The following SLAMF1 variants were observed in gnomAD, a reference collection of about 807,000 sequenced individuals.
SLAMF1 encodes signaling lymphocytic activation molecule.
In SLAMF1, 18 loss-of-function variants were observed where a neutral mutation model predicts 35.1. The observed-to-expected ratio is 0.51, with a 90% CI of 0.35 to 0.76. SLAMF1 has a LOEUF of 0.76. SLAMF1 is among the 30% of genes least tolerant of loss of function. The probability of loss-of-function intolerance (pLI) is 0.01; values close to 1 mark genes in which losing one functional copy is unlikely to be tolerated. For missense variants in SLAMF1, 392 were observed against 413.0 expected (o/e 0.95, Z 0.44); for synonymous variants, 168 against 157.2 (o/e 1.07, Z -0.51).
intron 5 of SLAMF1, 136 bp downstream of exon 5, chr1:160,619,640 T>C: frequency 5.7e-6 from 4 of 698,650 alleles, no homozygotes; most frequent in Non-Finnish European, 1.0e-5. Flanking sequence ...TTAGGAGAAC[T>C]CTTGTTCTTG....
intron 3 of SLAMF1, 196 bp downstream of exon 3, chr1:160,634,417 A>T: frequency 3.0e-6 from 3 of 984,412 alleles, no homozygotes; most frequent in Non-Finnish European, 3.6e-6. Context: ...TCAACTGTGA[A>T]CTGAGCATAA....
chr1:160,642,109 A>G lies in SLAMF1; in HGVS notation c.77-4580T>C, dbSNP rs189199860. On this transcript the variant is annotated intron_variant, in intron 1 of 6. Transcript: ENST00000302035. The surrounding 1 kb of genome is among the most constrained non-coding windows in gnomAD (Gnocchi z 4.2). Reference sequence around the variant, plus strand: ...TGCTACAGTATTCTTTCAGGTACAGAAGGAACAGAACTTACAGACCCCACA... The same window carrying G: ...TGCTACAGTATTCTTTCAGGTACAGGAGGAACAGAACTTACAGACCCCACA... Among the ~76,000 whole-genome samples, 289 of 152,310 alleles carry G rather than the reference A, an allele frequency of 1.9e-3. No individual in the cohort carries two copies. Among genetic ancestry groups the G allele is most frequent in the African/African-American group, 6.6e-3 (273 of 41,564 alleles).
rs951433345 is a variant in SLAMF1, at chr1:160,634,626, C to T, written c.687G>A (p.Arg229=). 1.2e-6 allele frequency: 2 copies of T among 1,607,108 alleles called. No homozygotes were observed. The highest frequency in any genetic ancestry group is 1.7e-6 in the Non-Finnish European group (2 of 1,176,128). The change falls in exon 3 of 7, where the codon AGG becomes AGA. Residue 229 remains arginine (R), a synonymous_variant. Transcript: ENST00000302035. ...CAGTGTACTCACCTGAGGGGTCTGT[C>T]CTGCATCCGGGCCACGGGCTGAAGG... ...SQTFSPWPGC[R]TDPSETKPWA...
chr1:160,638,696 C>T lies in SLAMF1; in HGVS notation c.77-1167G>A, dbSNP rs117686409. On this transcript the variant is annotated intron_variant, in intron 1 of 6. Transcript: ENST00000302035. ...AACAGGTGTTCTTCCCCACTGCTCG[C>T]TGGAACCACCTTTGTCAAGGTCACT... Among the ~76,000 whole-genome samples the T allele has an allele frequency of 5.3e-5, 8 of 152,314 alleles. No homozygotes were observed. In the East Asian group the frequency reaches 1.5e-3, roughly 29 times the overall value.
rs976843481 is a variant in SLAMF1, at chr1:160,609,997, A to C, written c.*751T>G. 7 of 205,174 alleles carry C rather than the reference A, an allele frequency of 3.4e-5. No individual in the cohort carries two copies. Among genetic ancestry groups the C allele is most frequent in the African/African-American group, 1.7e-4 (7 of 42,040 alleles). The allele number at this position is 205,174 out of a possible 1,614,324, so 12.7% of individuals were successfully genotyped here. On this transcript the variant is annotated 3_prime_UTR_variant, in exon 7 of 7. Coordinates refer to ENST00000302035, the MANE Select transcript of SLAMF1 (RefSeq NM_003037.5). ...CAAGCTCCTTTGTAACAGCACCATC[A>C]AACATTTGCTACGTTTTTCTTTAAA...
chr1:160,632,594 C>T (rs182292240), intron 3 of SLAMF1, among the ~76,000 whole-genome samples: 12 of 152,180 alleles, frequency 7.9e-5, no homozygotes, highest in Admixed American at 2.6e-4. Context: ...TAATTAAATT[C>T]TTTTTAAACT....
chr1:160,612,950 C>T (rs1021521097), intron 5 of SLAMF1, among the ~76,000 whole-genome samples: 3 of 152,166 alleles, frequency 2.0e-5, no homozygotes, highest in Non-Finnish European at 4.4e-5. Context: ...CTCATATCAC[C>T]GGCTACATGC....
chr1:160,639,288 C>T (rs923327255), intron 1 of SLAMF1, among the ~76,000 whole-genome samples: 2 of 152,002 alleles, frequency 1.3e-5, no homozygotes, highest in Non-Finnish European at 2.9e-5. Flanking sequence ...TGCAATGTTG[C>T]GATCTCGGCT....
intron 6 of SLAMF1, 93 bp from the exon 7 acceptor site, chr1:160,610,891 G>T (rs868056928): frequency 2.0e-6 from 2 of 993,408 alleles, no homozygotes; most frequent in Non-Finnish European, 3.2e-6. Flanking sequence ...AAAGGAAAGG[G>T]TCTTAGAGAT....
Position 160,610,569 on chromosome 1 carries a change from C to T in SLAMF1, c.*179G>A. 1 of 614,590 alleles carries T rather than the reference C, an allele frequency of 1.6e-6. No homozygotes were observed. The highest frequency in any genetic ancestry group is 1.9e-5 in the South Asian group (1 of 52,274). The allele number at this position is 614,590 out of a possible 1,614,324, so 38.1% of individuals were successfully genotyped here. A position where few individuals can be genotyped will look rare whatever the true frequency, so the allele number is the denominator to read the frequency against. ...ACAGCAAGCTAAATTCTTGGGAAGC[C>T]TCACTTCCTTGTTCATTTCACAGAT... On this transcript the variant is annotated 3_prime_UTR_variant, in exon 7 of 7. Transcript: ENST00000302035.
chr1:160,612,253 T>C (rs555729764), intron 6 of SLAMF1, among the ~76,000 whole-genome samples: 2,978 of 151,978 alleles, frequency 0.02, 100 homozygotes, highest in African/African-American at 0.069. Context: ...TAATTTTTTT[T>C]TTTTTACTTT....
chr1:160,622,143 C>T (rs1659645912), intron 4 of SLAMF1, among the ~76,000 whole-genome samples: 1 of 152,138 alleles, frequency 6.6e-6, no homozygotes, highest in South Asian at 2.1e-4. Flanking sequence ...ATTGTTGCTG[C>T]TTAAAAGGAC....
intron 4 of SLAMF1, chr1:160,623,648 G>T: frequency 2.5e-6 from 1 of 399,002 alleles, no homozygotes. Context: ...GAGGACAGGG[G>T]ATGGTACCTC....
chr1:160,634,597 C>T lies in SLAMF1; in HGVS notation c.700+16G>A, dbSNP rs1660330349. ...GCTCATTAAGGTGGCACACAGGCTG[C>T]CACCAGTGTACTCACCTGAGGGGTC... On this transcript the variant is annotated intron_variant, in intron 3 of 6. Coordinates refer to ENST00000302035, the MANE Select transcript of SLAMF1 (RefSeq NM_003037.5). 2 of 1,575,014 alleles carry T rather than the reference C, an allele frequency of 1.3e-6. No individual in the cohort carries two copies. The highest frequency in any genetic ancestry group is 1.7e-6 in the Non-Finnish European group (2 of 1,156,646).
chr1:160,624,611 A>T (rs951198853), intron 3 of SLAMF1, among the ~76,000 whole-genome samples: 1 of 152,222 alleles, frequency 6.6e-6, no homozygotes, highest in Non-Finnish European at 1.5e-5. Context: ...TTCTCATGAG[A>T]CACTGGGAGG....
Position 160,636,064 on chromosome 1 carries a change from A to G in SLAMF1, c.415+1127T>C, listed in dbSNP as rs189752033. Reference sequence around the variant, plus strand: ...CTTCCTTTGGCTTGAGAAAAATGCCATGGTTGCAGAGACCACATTTTCCAA... The same window carrying G: ...CTTCCTTTGGCTTGAGAAAAATGCCGTGGTTGCAGAGACCACATTTTCCAA... On this transcript the variant is annotated intron_variant, in intron 2 of 6. Transcript: ENST00000302035. Among the ~76,000 whole-genome samples, 15 of 152,366 alleles carry G rather than the reference A, an allele frequency of 9.8e-5. No individual in the cohort carries two copies. In the East Asian group the frequency reaches 2.9e-3, roughly 29 times the overall value.
At chr1:160,625,843 G>T (rs1196881868) in intron 3 of SLAMF1, among the ~76,000 whole-genome samples, 1 of 138,110 alleles carries the variant, frequency 7.2e-6, no homozygotes, top group Non-Finnish European at 1.6e-5. Context: ...GTGTGTGTGT[G>T]TGTGTGTGTG....
Position 160,609,237 on chromosome 1 carries a change from C to G in SLAMF1, c.*1511G>C. 1 of 152,338 alleles carries G rather than the reference C, an allele frequency of 6.6e-6. No homozygotes were observed. The highest frequency in any genetic ancestry group is 6.5e-5 in the Admixed American group (1 of 15,310). The allele number at this position is 152,338 out of a possible 1,614,324, so 9.4% of individuals were successfully genotyped here. The stretch of plus-strand genomic sequence containing the variant: ...GCTGTGCTCCCAGCCACAGCCTAGT[C>G]TCTTCTTTTCCTGCTCACTTTCAAA... On this transcript the variant is annotated 3_prime_UTR_variant, in exon 7 of 7. Coordinates refer to ENST00000302035, the MANE Select transcript of SLAMF1 (RefSeq NM_003037.5).
In SLAMF1 at chr1:160,642,535, A is replaced by T. The variant is rs755699755; in HGVS notation, c.76+4335T>A. Among the ~76,000 whole-genome samples, 1 of 152,098 alleles carries T rather than the reference A, an allele frequency of 6.6e-6. No homozygotes were observed. The highest frequency in any genetic ancestry group is 2.4e-5 in the African/African-American group (1 of 41,414). On this transcript the variant is annotated intron_variant, in intron 1 of 6. Transcript: ENST00000302035. The surrounding 1 kb of genome is among the most constrained non-coding windows in gnomAD (Gnocchi z 4.2). ...AGTAGGGACTGTGTCTGTTTTATTC[A>T]CTACAGTATCCCTAACACCCACCTG... is the stretch of plus-strand genomic sequence containing the variant.
Sources: allele counts gnomAD v4.1 joint callset (sites outside exome capture counted in the v4.1 genomes callset), GRCh38; gene constraint gnomAD v4.1.1; non-coding constraint Gnocchi (gnomAD v3.1); transcripts MANE v1.5; gene names NCBI Gene and HGNC (gene_info 2026-07-23, HGNC 2026-07-21).